Variants in ADARB2 observed in about 807,000 individuals in gnomAD.
ADARB2 encodes the protein inactive double-stranded RNA-specific editase B2.
In ADARB2, 25 loss-of-function variants were observed where a neutral mutation model predicts 62.2. The observed-to-expected ratio is 0.40, with a 90% CI of 0.29 to 0.56. The LOEUF is 0.56. Ranked by LOEUF, ADARB2 falls within the 20% of genes least tolerant of loss-of-function variation. The pLI is 0.43. For missense variants in ADARB2, 1,071 were observed against 1,077.4 expected (o/e 0.99, Z 0.08); for synonymous variants, 572 against 500.8 (o/e 1.14, Z -1.90).
At chr10:1,709,021 G>A (rs1834922777) in intron 1 of ADARB2, among the ~76,000 whole-genome samples, 1 of 152,126 alleles carries the variant, frequency 6.6e-6, no homozygotes, top group African/African-American at 2.4e-5. Context: ...GAGGAGGGGA[G>A]GTCACGTCGG....
intron 2 of ADARB2, among the ~76,000 whole-genome samples, chr10:1,375,791 C>T (rs1369611060): frequency 7.2e-6 from 1 of 138,684 alleles, no homozygotes; most frequent in Non-Finnish European, 1.5e-5. Flanking sequence ...CACACATGCA[C>T]ACACGCACAC....
intron 1 of ADARB2, among the ~76,000 whole-genome samples, chr10:1,390,860 G>A (rs769792453): frequency 4.6e-5 from 7 of 152,208 alleles, no homozygotes; most frequent in Non-Finnish European, 1.0e-4. Context: ...TCAGAACTGT[G>A]AGCCTCAGGC....
intron 1 of ADARB2, among the ~76,000 whole-genome samples, chr10:1,533,818 C>G (rs1434310142): frequency 6.6e-6 from 1 of 152,166 alleles, no homozygotes; most frequent in African/African-American, 2.4e-5. Flanking sequence ...AAGCACCCAC[C>G]CTCCCCCTCT....
chr10:1,648,737 C>T (rs947196981), intron 1 of ADARB2, among the ~76,000 whole-genome samples: 2 of 152,120 alleles, frequency 1.3e-5, no homozygotes, highest in Admixed American at 6.5e-5. Flanking sequence ...CTAGTCATAG[C>T]GATAGCGGTG....
intron 1 of ADARB2, among the ~76,000 whole-genome samples, chr10:1,388,809 A>C (rs1832545475): frequency 6.6e-6 from 1 of 152,220 alleles, no homozygotes; most frequent in Non-Finnish European, 1.5e-5. Context: ...TTTTCTATAG[A>C]TATGATTCGA....
chr10:1,251,962 C>G (rs1282517922), intron 4 of ADARB2, among the ~76,000 whole-genome samples: 2 of 152,162 alleles, frequency 1.3e-5, no homozygotes, highest in South Asian at 2.1e-4. Context: ...TCCCAGCCCC[C>G]AGAACTGTGA....
intron 1 of ADARB2, among the ~76,000 whole-genome samples, chr10:1,568,751 C>G (rs1832892256): frequency 6.6e-6 from 1 of 152,046 alleles, no homozygotes; most frequent in Non-Finnish European, 1.5e-5. Flanking sequence ...TCCTGAAATG[C>G]TGACTTTTGA....
At chr10:1,436,329 G>A (rs1830835676) in intron 1 of ADARB2, among the ~76,000 whole-genome samples, 1 of 152,126 alleles carries the variant, frequency 6.6e-6, no homozygotes, top group Non-Finnish European at 1.5e-5. Context: ...TTTGTAATTA[G>A]CCTAGGTCTC....
intron 2 of ADARB2, among the ~76,000 whole-genome samples, chr10:1,374,473 T>C (rs1025952943): frequency 6.6e-6 from 1 of 152,188 alleles, no homozygotes; most frequent in Non-Finnish European, 1.5e-5. Flanking sequence ...GCCAACGCTT[T>C]ATATTGTCAT....
intron 5 of ADARB2, among the ~76,000 whole-genome samples, chr10:1,239,360 CT>C (rs1249778528): frequency 7.5e-5 from 1 of 13,248 alleles, no homozygotes. Context: ...TTTACTCCCC[CT>C]CTCCCTCCCG....
At chr10:1,624,195 C>T (rs1274091821) in intron 1 of ADARB2, among the ~76,000 whole-genome samples, 4 of 152,166 alleles carry the variant, frequency 2.6e-5, no homozygotes, top group Non-Finnish European at 5.9e-5. Context: ...GAAGGCATCA[C>T]TCCACTCCTG....
intron 3 of ADARB2, among the ~76,000 whole-genome samples, chr10:1,312,505 C>T (rs764945135): frequency 3.9e-5 from 6 of 152,226 alleles, no homozygotes; most frequent in Non-Finnish European, 7.3e-5. Flanking sequence ...GTCTCCAGGA[C>T]GTCTCTCCTG....
intron 1 of ADARB2, among the ~76,000 whole-genome samples, chr10:1,457,769 C>T (rs2813426): frequency 0.67 from 101,533 of 151,832 alleles, 34,705 homozygotes; most frequent in Non-Finnish European, 0.75. Flanking sequence ...AGATATCCCC[C>T]TGTTTCTAGC....
At chr10:1,685,902 C>T (rs756248695) in intron 1 of ADARB2, among the ~76,000 whole-genome samples, 45 of 152,144 alleles carry the variant, frequency 3.0e-4, no homozygotes, top group Non-Finnish European at 5.1e-4. Flanking sequence ...GCAGGGCGGA[C>T]GTGGCTGGGT....
chr10:1,200,892 C>A (rs1161960504), intron 7 of ADARB2, among the ~76,000 whole-genome samples: 2 of 152,300 alleles, frequency 1.3e-5, no homozygotes, highest in Non-Finnish European at 2.9e-5. Flanking sequence ...TTTCTTACAT[C>A]ATTGTTCTTT....
chr10:1,625,067 A>G (rs757196725), intron 1 of ADARB2, among the ~76,000 whole-genome samples: 50 of 152,196 alleles, frequency 3.3e-4, no homozygotes, highest in Non-Finnish European at 6.8e-4. Flanking sequence ...GTCTGGGGAA[A>G]TGTGAATTTA....
At chr10:1,608,153 T>C (rs974790606) in intron 1 of ADARB2, among the ~76,000 whole-genome samples, 26 of 152,198 alleles carry the variant, frequency 1.7e-4, no homozygotes, top group African/African-American at 5.6e-4. Flanking sequence ...TGATTTGACA[T>C]AGTATAAAAG....
intron 6 of ADARB2, among the ~76,000 whole-genome samples, chr10:1,228,642 C>T (rs528570647): frequency 2.6e-5 from 4 of 152,334 alleles, no homozygotes; most frequent in East Asian, 3.9e-4. Context: ...AGTTTTGAGT[C>T]GCTTGAGATG....
intron 1 of ADARB2, among the ~76,000 whole-genome samples, chr10:1,646,917 A>G (rs1052455184): frequency 5.9e-5 from 9 of 152,216 alleles, no homozygotes; most frequent in African/African-American, 2.2e-4. Flanking sequence ...CCAGCATGCA[A>G]GAGTTCCTCT....
Sources: gnomAD v4.1 joint callset for allele counts (sites outside exome capture counted in the v4.1 genomes callset) on GRCh38, gnomAD v4.1.1 for gene constraint, MANE v1.5 for transcripts, NCBI Gene and HGNC (gene_info 2026-07-23, HGNC 2026-07-21) for gene names.